CDCA7L: variants seen among roughly 807,000 people sequenced by gnomAD.
The protein encoded by CDCA7L is cell division cycle associated 7 like.
In CDCA7L, 44 loss-of-function variants were observed where a neutral mutation model predicts 57.4. That is an observed-to-expected ratio of 0.77 (90% confidence interval 0.60 to 0.98). The LOEUF is 0.98. CDCA7L is among the 50% of genes least tolerant of loss of function. CDCA7L has a pLI of 0.00. For synonymous variants in CDCA7L, 236 were observed against 202.8 expected, an observed-to-expected ratio of 1.16 and a Z score of -1.39; for missense variants, 644 against 580.6, an observed-to-expected ratio of 1.11 and a Z score of -1.12.
rs558083384 is a variant in CDCA7L at position 21,921,092 on chromosome 7, A to G, written c.25-4198T>C. 2.7e-3 allele frequency among the ~76,000 whole-genome samples: 408 copies of G among 152,314 alleles called. 6 individuals are homozygous for G. The highest frequency in any genetic ancestry group is 6.0e-4 in the Non-Finnish European group (41 of 68,034). On this transcript the variant is annotated intron_variant, in intron 1 of 9. Transcript: ENST00000406877. ...AACTGCTTCCAGCAGCAACTGCATT[A>G]GTCCCTGTGCTATTGTGTTCAGCCC...
intron 2 of CDCA7L, among the ~76,000 whole-genome samples, chr7:21,912,238 G>A (rs1785353512): frequency 6.6e-6 from 1 of 152,052 alleles, no homozygotes; most frequent in Non-Finnish European, 1.5e-5. Flanking sequence ...AGCCTGCGTT[G>A]CAGCCAAGAT....
Position 21,945,876 on chromosome 7 carries a change from A to C in CDCA7L, c.-72T>G, listed in dbSNP as rs1040634216. Reference sequence around the variant, plus strand: ...GCCCGGACTCACCACGGCCCGGCGCACCAAGAACGCCCCGCGCCCGAGCAG... The same window carrying C: ...GCCCGGACTCACCACGGCCCGGCGCCCCAAGAACGCCCCGCGCCCGAGCAG... On this transcript the variant is annotated 5_prime_UTR_variant, in exon 1 of 10. Transcript: ENST00000406877. The C allele has an allele frequency of 4.6e-6, 7 of 1,507,446 alleles. No homozygotes were observed. Among genetic ancestry groups the C allele is most frequent in the African/African-American group, 4.4e-5 (3 of 68,856 alleles). 93.4% of individuals were successfully genotyped at this position (1,507,446 alleles called of 1,614,324 possible).
Position 21,901,375 on chromosome 7 carries a change from T to C in CDCA7L, c.*947A>G. The C allele has an allele frequency of 7.5e-7, 1 of 1,325,110 alleles. No homozygotes were observed. Among genetic ancestry groups the C allele is most frequent in the South Asian group, 2.2e-5 (1 of 45,946 alleles). 82.1% of individuals were successfully genotyped at this position (1,325,110 alleles called of 1,614,324 possible). ...AGTAACTCACACGTGCATTCTTTTT[T>C]CAACGCTATCCTTAGAGTGAAAGTC... is the stretch of plus-strand genomic sequence containing the variant. On this transcript the variant is annotated 3_prime_UTR_variant, in exon 10 of 10. Transcript: ENST00000406877.
intron 1 of CDCA7L, among the ~76,000 whole-genome samples, chr7:21,922,876 A>T (rs1785699457): frequency 6.6e-6 from 1 of 152,208 alleles, no homozygotes; most frequent in African/African-American, 2.4e-5. Flanking sequence ...ACATGGATGA[A>T]CTTTGAAGAC....
Position 21,902,095 on chromosome 7 carries a change from AGCATACAGACAGGTCTGT to A in CDCA7L, c.*209_*226del. On this transcript the variant is annotated 3_prime_UTR_variant, in exon 10 of 10. Transcript: ENST00000406877. ...CTGGCAGATATTTTTAACAAAGTTCAGCATACAGACAGGTCTGTGCATACATCTATATAGATTCCTCTG... is the reference window on the plus strand; with the variant it reads ...CTGGCAGATATTTTTAACAAAGTTCAGCATACATCTATATAGATTCCTCTG... The A allele has an allele frequency of 1.9e-6, 1 of 530,732 alleles. No individual in the cohort carries two copies. Among genetic ancestry groups the A allele is most frequent in the South Asian group, 3.0e-5 (1 of 33,788 alleles). 32.9% of individuals were successfully genotyped at this position (530,732 alleles called of 1,614,324 possible).
intron 2 of CDCA7L, among the ~76,000 whole-genome samples, chr7:21,912,417 G>A (rs1785361860): frequency 1.3e-5 from 2 of 152,050 alleles, no homozygotes; most frequent in South Asian, 4.2e-4. Flanking sequence ...AGCTTCTAAT[G>A]TGACTGGTAA....
At chr7:21,941,023 G>T (rs114769134) in intron 1 of CDCA7L, among the ~76,000 whole-genome samples, 3,199 of 152,140 alleles carry the variant, frequency 0.021, 120 homozygotes, top group African/African-American at 0.072. Flanking sequence ...AGCTAATATA[G>T]CGCAACAAAA....
At position 21,901,440 on chromosome 7, in the gene CDCA7L, T is replaced by TGGCACACGACTGTAATCCCA. The variant is rs1267604981; in HGVS notation, c.*862_*881dup. 1.3e-6 allele frequency: 1 copy of TGGCACACGACTGTAATCCCA among 789,318 alleles called. No homozygotes were observed. Among genetic ancestry groups the TGGCACACGACTGTAATCCCA allele is most frequent in the Non-Finnish European group, 1.8e-6 (1 of 568,380 alleles). 48.9% of individuals were successfully genotyped at this position (789,318 alleles called of 1,614,324 possible). On this transcript the variant is annotated 3_prime_UTR_variant, in exon 10 of 10. Transcript: ENST00000406877. ...GAAACTAACTCAGGGCTGAGCGTGG[T>TGGCACACGACTGTAATCCCA]GGCACACGACTGTAATCCCAGTTAC...
At position 21,903,106 on chromosome 7, in the gene CDCA7L, C is replaced by T. The variant is rs143438380; in HGVS notation, c.1206G>A (p.Val402=). 3.1e-6 allele frequency: 5 copies of T among 1,613,532 alleles called. No individual in the cohort carries two copies. Among genetic ancestry groups the T allele is most frequent in the East Asian group, 4.5e-5 (2 of 44,892 alleles). ...VRSALLDPDW[V]CPPCRGICNC... ...TGCAGATCCCACGACAGGGGGGACA[C>T]ACCCAATCCTAACAGAGAGATGACA... The change falls in exon 9 of 10, where the codon GTG becomes GTA. Residue 402 remains valine, a synonymous_variant. Transcript: ENST00000406877.
At chr7:21,941,511 T>A (rs1786339163) in intron 1 of CDCA7L, among the ~76,000 whole-genome samples, 4 of 152,230 alleles carry the variant, frequency 2.6e-5, no homozygotes, top group African/African-American at 9.6e-5. Context: ...AAATTTCACA[T>A]AAAAGTCATT....
At chr7:21,941,400 A>C (rs1786335268) in intron 1 of CDCA7L, among the ~76,000 whole-genome samples, 1 of 152,230 alleles carries the variant, frequency 6.6e-6, no homozygotes, top group South Asian at 2.1e-4. Context: ...GCTACAGGCA[A>C]ACACTTCATG....
intron 1 of CDCA7L, among the ~76,000 whole-genome samples, chr7:21,921,453 A>G (rs1412558211): frequency 1.3e-5 from 2 of 152,154 alleles, no homozygotes; most frequent in Non-Finnish European, 2.9e-5. Flanking sequence ...ACCTGATAGA[A>G]AGGATACACA....
intron 1 of CDCA7L, among the ~76,000 whole-genome samples, chr7:21,936,302 A>G (rs1450778193): frequency 1.3e-5 from 2 of 152,224 alleles, no homozygotes; most frequent in Admixed American, 6.5e-5. Flanking sequence ...AAACTTGAAG[A>G]AGGAGGAACA....
intron 1 of CDCA7L, among the ~76,000 whole-genome samples, chr7:21,931,776 G>A (rs1199222231): frequency 1.3e-5 from 2 of 152,160 alleles, no homozygotes; most frequent in Non-Finnish European, 2.9e-5. Flanking sequence ...TCCTATCCGT[G>A]AGCATGGAAT....
intron 3 of CDCA7L, 32 bp downstream of exon 3, chr7:21,911,585 C>G (rs1785329046): frequency 6.3e-7 from 1 of 1,577,720 alleles, no homozygotes; most frequent in Non-Finnish European, 8.6e-7. Context: ...AAAAACGTTA[C>G]CACCCACATC....
At chr7:21,902,437 A>AGGCTT in intron 9 of CDCA7L, 85 bp from the exon 10 acceptor site, 1 of 1,328,428 alleles carries the variant, frequency 7.5e-7, no homozygotes, top group Non-Finnish European at 1.1e-6. Context: ...CAATCATCTA[A>AGGCTT]GAGTACAAAG....
At chr7:21,931,026 C>G (rs1335545455) in intron 1 of CDCA7L, among the ~76,000 whole-genome samples, 1 of 152,122 alleles carries the variant, frequency 6.6e-6, no homozygotes, top group Non-Finnish European at 1.5e-5. Context: ...ACTAGAAAAT[C>G]TAGAAGAAAT....
chr7:21,919,477 A>C (rs1785588856), intron 1 of CDCA7L, among the ~76,000 whole-genome samples: 1 of 152,018 alleles, frequency 6.6e-6, no homozygotes. Context: ...GAGCCCTGAA[A>C]CCTTTCACTG....
At chr7:21,945,188 TG>T (rs2128072839) in intron 1 of CDCA7L, among the ~76,000 whole-genome samples, 1 of 152,306 alleles carries the variant, frequency 6.6e-6, no homozygotes, top group South Asian at 2.1e-4. Flanking sequence ...GGGGTCGTGC[TG>T]TGCATATGAT....
Sources: gnomAD v4.1 joint callset for allele counts (sites outside exome capture counted in the v4.1 genomes callset) on GRCh38, gnomAD v4.1.1 for gene constraint, MANE v1.5 for transcripts, NCBI Gene and HGNC (gene_info 2026-07-23, HGNC 2026-07-21) for gene names.